Variants in DNAH8 observed in about 807,000 individuals in gnomAD.
DNAH8 encodes dynein axonemal heavy chain 8.
Under a neutral mutation model 562.1 loss-of-function variants are expected in DNAH8, and 382 were observed. The observed-to-expected ratio is 0.68, with a 90% confidence interval of 0.63 to 0.74. The LOEUF (loss-of-function observed/expected upper bound fraction) is 0.74. Ranked by LOEUF, DNAH8 falls within the 30% of genes least tolerant of loss-of-function variation. The pLI is 0.00. For synonymous variants in DNAH8, 1,881 were observed against 1,919.4 expected, an observed-to-expected ratio of 0.98 and a Z score of 0.52; for missense variants, 5,203 against 5,620.4, an observed-to-expected ratio of 0.93 and a Z score of 2.37.
intron 10 of DNAH8, among the ~76,000 whole-genome samples, chr6:38,759,231 C>A (rs1239484240): frequency 1.3e-5 from 2 of 152,020 alleles, no homozygotes; most frequent in African/African-American, 4.8e-5. Flanking sequence ...TCCCTTGAGC[C>A]TGGGAGTTCA....
At chr6:39,002,994 A>G (rs1177799398) in intron 88 of DNAH8, among the ~76,000 whole-genome samples, 1 of 152,202 alleles carries the variant, frequency 6.6e-6, no homozygotes. Context: ...CTGCTAATCA[A>G]ATAAAAATGC....
rs143997683 is a variant in DNAH8, at chr6:38,946,328, C to T, written c.12129+740C>T. Among the ~76,000 whole-genome samples the T allele has an allele frequency of 4.4e-3, 668 of 152,322 alleles. 2 individuals are homozygous for T. The highest frequency in any genetic ancestry group is 7.5e-3 in the South Asian group (36 of 4,824). On this transcript the variant is annotated intron_variant, in intron 80 of 92. Coordinates refer to ENST00000327475, the MANE Select transcript of DNAH8 (RefSeq NM_001206927.2). ...AATCACCAATCCCCTGCCCAACATA[C>T]TGTGTTAGCTGCCTCTGTTTGTTTA...
At chr6:38,726,858 T>G (rs1190778830) in intron 3 of DNAH8, among the ~76,000 whole-genome samples, 1 of 143,462 alleles carries the variant, frequency 7.0e-6, no homozygotes, top group African/African-American at 2.6e-5. Flanking sequence ...TTAGTTTTTT[T>G]TTTTTTTTTT....
intron 11 of DNAH8, chr6:38,764,419 C>A (rs1238621232): frequency 6.6e-6 from 1 of 152,490 alleles, no homozygotes; most frequent in Non-Finnish European, 1.5e-5. Context: ...GTCAAGAGAA[C>A]TTTTTGGCAA....
At position 38,791,547 on chromosome 6, in the gene DNAH8, C is replaced by T. The variant is rs2127657375; in HGVS notation, c.2782-8C>T. On this transcript the variant is annotated splice_polypyrimidine_tract_variant and splice_region_variant and intron_variant, in intron 20 of 92. Transcript: ENST00000327475. ...AGTTTTTTTTTCTTACATTTTTCTT[C>T]CTTGTAGATCAGTGACTTGTGTGAA... The T allele has an allele frequency of 1.3e-6, 2 of 1,597,486 alleles. No individual in the cohort carries two copies. The highest frequency in any genetic ancestry group is 1.7e-6 in the Non-Finnish European group (2 of 1,175,420).
chr6:38,865,265 T>C (rs1474975523), intron 45 of DNAH8, among the ~76,000 whole-genome samples: 1 of 152,180 alleles, frequency 6.6e-6, no homozygotes, highest in Non-Finnish European at 1.5e-5. Flanking sequence ...TCTGATACAC[T>C]TTATTGTAAG....
At chr6:38,877,290 T>G (rs1260870869) in intron 53 of DNAH8, among the ~76,000 whole-genome samples, 1 of 152,206 alleles carries the variant, frequency 6.6e-6, no homozygotes, top group Non-Finnish European at 1.5e-5. Context: ...ATTACCTTCC[T>G]CTGTGCCATC....
Position 38,790,272 on chromosome 6 carries a change from GT to G in DNAH8, c.2665-12del. The G allele has an allele frequency of 7.1e-7, 1 of 1,416,100 alleles. No individual in the cohort carries two copies. Among genetic ancestry groups the G allele is most frequent in the Non-Finnish European group, 1.0e-6 (1 of 1,003,276 alleles). 87.7% of individuals were successfully genotyped at this position (1,416,100 alleles called of 1,614,324 possible). ...TCCTGTTGATAATAGAAGCAGTTGT[GT>G]TTTTACCGTTTCTAGGTGGAATCTG... On this transcript the variant is annotated splice_polypyrimidine_tract_variant and intron_variant, in intron 19 of 92. Coordinates refer to ENST00000327475, the MANE Select transcript of DNAH8 (RefSeq NM_001206927.2).
chr6:39,022,975 AT>A (rs1237270633), intron 91 of DNAH8, among the ~76,000 whole-genome samples: 2 of 152,124 alleles, frequency 1.3e-5, no homozygotes, highest in African/African-American at 4.8e-5. Flanking sequence ...AGGGGGAAGA[AT>A]TTTTTTTAAA....
intron 41 of DNAH8, among the ~76,000 whole-genome samples, chr6:38,855,826 C>T (rs1453914734): frequency 6.6e-6 from 1 of 152,166 alleles, no homozygotes; most frequent in African/African-American, 2.4e-5. Flanking sequence ...GGCAAGTGAG[C>T]ATGACTGCCT....
chr6:38,973,726 G>C lies in DNAH8; in HGVS notation c.12591G>C (p.Thr4197=). Reference sequence around the variant, plus strand: ...AATTCATGGAAGAATTACTAGAGACGCTAATTACCACTGAAGCCAGTGATG... The same window carrying C: ...AATTCATGGAAGAATTACTAGAGACCCTAATTACCACTGAAGCCAGTGATG... ...GLEFMEELLE[T]LITTEASDDS... The change falls in exon 84 of 93, where the codon ACG becomes ACC. Residue 4197 remains threonine (T), a synonymous_variant. Coordinates refer to ENST00000327475, the MANE Select transcript of DNAH8 (RefSeq NM_001206927.2). 1 of 1,609,954 alleles carries C rather than the reference G, an allele frequency of 6.2e-7. No individual in the cohort carries two copies.
chr6:38,770,681 T>C, intron 12 of DNAH8, 122 bp downstream of exon 12: 1 of 936,348 alleles, frequency 1.1e-6, no homozygotes, highest in Non-Finnish European at 1.5e-6. Flanking sequence ...TTATGACTTG[T>C]CTAATATTAC....
intron 1 of DNAH8, among the ~76,000 whole-genome samples, chr6:38,715,953 TATA>T (rs1404951715): frequency 1.4e-4 from 4 of 29,242 alleles, no homozygotes; most frequent in Admixed American, 4.8e-4. Context: ...TATATATATA[TATA>T]TATATTTTTT....
Position 38,956,835 on chromosome 6 carries a change from C to T in DNAH8, c.12451+5315C>T, listed in dbSNP as rs115879581. Among the ~76,000 whole-genome samples, 310 of 152,132 alleles carry T rather than the reference C, an allele frequency of 2.0e-3. 1 individual carries two copies. Among genetic ancestry groups the T allele is most frequent in the African/African-American group, 6.9e-3 (285 of 41,474 alleles). ...ACTACTAGAGAAAATCACTTAACCC[C>T]GACCAAGGGAAGACTGCAAGAGAGG... is the stretch of plus-strand genomic sequence containing the variant. On this transcript the variant is annotated intron_variant, in intron 82 of 92. Coordinates refer to ENST00000327475, the MANE Select transcript of DNAH8 (RefSeq NM_001206927.2).
In DNAH8 at chr6:38,781,337, C is replaced by G. The variant is rs267601011; in HGVS notation, c.2223C>G (p.Leu741=). The G allele has an allele frequency of 6.2e-7, 1 of 1,613,820 alleles. No homozygotes were observed. The highest frequency in any genetic ancestry group is 1.7e-5 in the Admixed American group (1 of 59,988). Residue 741 remains leucine (L), a synonymous_variant, in exon 16 of 93, where the codon CTC becomes CTG. Coordinates refer to ENST00000327475, the MANE Select transcript of DNAH8 (RefSeq NM_001206927.2). ...IAGKILWVRQ[L]YRRISEPINY... ...GAAAAATACTCTGGGTGAGGCAGCT[C>G]TATCGCCGGATAAGTGAGCCCATCA...
chr6:38,722,067 A>G (rs1762795485), intron 1 of DNAH8, among the ~76,000 whole-genome samples: 1 of 152,100 alleles, frequency 6.6e-6, no homozygotes, highest in South Asian at 2.1e-4. Context: ...CCTAATTTCC[A>G]TGGTTATGTG....
At chr6:38,731,488 T>C (rs964399766) in intron 4 of DNAH8, among the ~76,000 whole-genome samples, 1 of 152,228 alleles carries the variant, frequency 6.6e-6, no homozygotes, top group African/African-American at 2.4e-5. Flanking sequence ...TTTTCCAAAC[T>C]GATCTCTCAG....
chr6:38,746,180 C>T (rs942510844), intron 8 of DNAH8, among the ~76,000 whole-genome samples: 5 of 152,008 alleles, frequency 3.3e-5, no homozygotes, highest in East Asian at 1.9e-4. Flanking sequence ...TGTATTTGAT[C>T]GTTTATTTTC....
intron 82 of DNAH8, among the ~76,000 whole-genome samples, chr6:38,963,253 C>CTTTTTTTTT (rs57083753): frequency 3.0e-4 from 31 of 102,576 alleles, no homozygotes; most frequent in Non-Finnish European, 4.7e-4. Flanking sequence ...AGTCCTTTTT[C>CTTTTTTTTT]TTTTTTTTTT....
Sources: allele counts gnomAD v4.1 joint callset (sites outside exome capture counted in the v4.1 genomes callset), GRCh38; gene constraint gnomAD v4.1.1; transcripts MANE v1.5; gene names NCBI Gene and HGNC (gene_info 2026-07-23, HGNC 2026-07-21).